Variants in MYO3B observed in about 807,000 individuals in gnomAD.
The protein encoded by MYO3B is myosin IIIB.
Under a neutral mutation model 174.6 loss-of-function variants are expected in MYO3B, and 156 were observed. That is an observed-to-expected ratio of 0.89 (90% CI 0.78 to 1.02). The LOEUF is 1.02. Ranked by LOEUF, MYO3B falls within the 50% of genes least tolerant of loss-of-function variation. MYO3B has a pLI of 0.00. For synonymous variants in MYO3B, 563 were observed against 569.1 expected (o/e 0.99, Z 0.15); for missense variants, 1,632 against 1,639.4 (o/e 1.00, Z 0.08).
intron 9 of MYO3B, among the ~76,000 whole-genome samples, chr2:170,377,557 T>A (rs1039742851): frequency 2.0e-5 from 3 of 152,168 alleles, no homozygotes; most frequent in African/African-American, 7.2e-5. Flanking sequence ...CCCCTTTACC[T>A]GATCCCTGAA....
chr2:170,192,416 T>A (rs1013561739), intron 1 of MYO3B, among the ~76,000 whole-genome samples: 5 of 151,318 alleles, frequency 3.3e-5, no homozygotes, highest in Admixed American at 3.3e-4. Flanking sequence ...TTGAATTTCT[T>A]ATGCATCTTT....
intron 30 of MYO3B, among the ~76,000 whole-genome samples, chr2:170,532,031 G>A (rs1380983157): frequency 6.6e-6 from 1 of 152,210 alleles, no homozygotes; most frequent in East Asian, 1.9e-4. Flanking sequence ...AAAGGACAGT[G>A]AAGAAACCTG....
At chr2:170,604,402 A>G (rs535929874) in intron 32 of MYO3B, among the ~76,000 whole-genome samples, 13 of 152,312 alleles carry the variant, frequency 8.5e-5, no homozygotes, top group African/African-American at 3.1e-4. Context: ...TATTTATTCT[A>G]TAATCTTTTG....
In MYO3B at chr2:170,187,816, G is replaced by A. The variant is rs148154329; in HGVS notation, c.2+9527G>A. 5.7e-3 allele frequency among the ~76,000 whole-genome samples: 865 copies of A among 152,066 alleles called. 3 individuals are homozygous for A. Among genetic ancestry groups the A allele is most frequent in the Non-Finnish European group, 8.4e-3 (570 of 67,974 alleles). Reference sequence around the variant, plus strand: ...TGTTACTGATTTCTAGTTTTAATCCGTCATGGTTGGAGAAGATACTTGATA... The same window carrying A: ...TGTTACTGATTTCTAGTTTTAATCCATCATGGTTGGAGAAGATACTTGATA... On this transcript the variant is annotated intron_variant, in intron 1 of 34. Coordinates refer to ENST00000408978, the MANE Select transcript of MYO3B (RefSeq NM_138995.5).
At chr2:170,247,218 C>T (rs1344035879) in intron 7 of MYO3B, among the ~76,000 whole-genome samples, 2 of 152,170 alleles carry the variant, frequency 1.3e-5, no homozygotes, top group African/African-American at 4.8e-5. Context: ...TTCAATCTTT[C>T]CATCTCAGAA....
chr2:170,508,032 G>A (rs1687723501), intron 28 of MYO3B, among the ~76,000 whole-genome samples: 1 of 152,226 alleles, frequency 6.6e-6, no homozygotes, highest in South Asian at 2.1e-4. Flanking sequence ...AGAGGAAGCT[G>A]CAAAGTCATT....
At position 170,552,899 on chromosome 2, in the gene MYO3B, C is replaced by G. The variant is rs576859046; in HGVS notation, c.3733+8911C>G. Among the ~76,000 whole-genome samples, 7 of 152,312 alleles carry G rather than the reference C, an allele frequency of 4.6e-5. No homozygotes were observed. In the South Asian group the frequency reaches 1.2e-3, roughly 27 times the overall value. On this transcript the variant is annotated intron_variant, in intron 32 of 34. Coordinates refer to ENST00000408978, the MANE Select transcript of MYO3B (RefSeq NM_138995.5). The stretch of plus-strand genomic sequence containing the variant: ...CATGGTGCCCTGCATCCCAGCCGAT[C>G]TAGCTTCAGCTGTGGCTAAAAGGGG...
chr2:170,511,756 T>C (rs1197267975), intron 28 of MYO3B, among the ~76,000 whole-genome samples: 1 of 152,216 alleles, frequency 6.6e-6, no homozygotes, highest in East Asian at 1.9e-4. Flanking sequence ...CAAAATATTT[T>C]TTCCCATCAA....
chr2:170,334,407 T>A (rs2105535196), intron 7 of MYO3B: 1 of 152,324 alleles, frequency 6.6e-6, no homozygotes, highest in African/African-American at 2.4e-5. Context: ...CTGGTAATTC[T>A]TGCTGCTTCC....
At chr2:170,362,666 G>A (rs17083) in intron 8 of MYO3B, among the ~76,000 whole-genome samples, 11,189 of 152,190 alleles carry the variant, frequency 0.074, 502 homozygotes, top group Non-Finnish European at 0.11. Flanking sequence ...TCATTTACCT[G>A]TTTCAGGGGA....
chr2:170,586,881 A>G (rs1693525270), intron 32 of MYO3B, among the ~76,000 whole-genome samples: 1 of 152,212 alleles, frequency 6.6e-6, no homozygotes, highest in Non-Finnish European at 1.5e-5. Context: ...TTAGAACATA[A>G]TTCTTCCAGA....
At chr2:170,622,082 C>G (rs1296197545) in intron 32 of MYO3B, among the ~76,000 whole-genome samples, 1 of 152,178 alleles carries the variant, frequency 6.6e-6, no homozygotes, top group Non-Finnish European at 1.5e-5. Context: ...CTCCACCCTT[C>G]TAAATACTGA....
chr2:170,480,041 G>A (rs376849827), intron 25 of MYO3B, among the ~76,000 whole-genome samples: 23 of 146,356 alleles, frequency 1.6e-4, no homozygotes, highest in South Asian at 1.1e-3. Flanking sequence ...GTGTGTGTGT[G>A]TATATATATA....
intron 25 of MYO3B, among the ~76,000 whole-genome samples, chr2:170,496,817 T>A (rs6739923): frequency 4.6e-5 from 7 of 151,632 alleles, no homozygotes; most frequent in South Asian, 2.1e-4. Context: ...TTGCAGCGAC[T>A]GGATTTGGCC....
intron 25 of MYO3B, among the ~76,000 whole-genome samples, chr2:170,467,843 T>A (rs1575027988): frequency 1.4e-5 from 2 of 144,636 alleles, no homozygotes; most frequent in African/African-American, 2.5e-5. Flanking sequence ...TTCCTTGCAA[T>A]GAGAGCTTTT....
At chr2:170,460,411 C>A (rs543749285) in intron 23 of MYO3B, among the ~76,000 whole-genome samples, 1 of 138,736 alleles carries the variant, frequency 7.2e-6, no homozygotes, top group Non-Finnish European at 1.5e-5. Flanking sequence ...TCGCTTGAAC[C>A]CAGGAGGCAG....
At chr2:170,257,456 T>C (rs184479271) in intron 7 of MYO3B, among the ~76,000 whole-genome samples, 1 of 152,218 alleles carries the variant, frequency 6.6e-6, no homozygotes, top group Non-Finnish European at 1.5e-5. Flanking sequence ...CACAATTGCA[T>C]GGAAACTAAA....
At chr2:170,591,065 G>GC (rs1693793829) in intron 32 of MYO3B, among the ~76,000 whole-genome samples, 1 of 152,168 alleles carries the variant, frequency 6.6e-6, no homozygotes, top group Non-Finnish European at 1.5e-5. Flanking sequence ...ATCAAAGTGG[G>GC]CCTTTGGATG....
chr2:170,455,896 TAGAC>T (rs1683880562), intron 23 of MYO3B, among the ~76,000 whole-genome samples: 1 of 152,214 alleles, frequency 6.6e-6, no homozygotes, highest in Non-Finnish European at 1.5e-5. Flanking sequence ...TATACTGGGT[TAGAC>T]AGACAATGGT....
Sources: gnomAD v4.1 joint callset for allele counts (sites outside exome capture counted in the v4.1 genomes callset) on GRCh38, gnomAD v4.1.1 for gene constraint, MANE v1.5 for transcripts, NCBI Gene and HGNC (gene_info 2026-07-23, HGNC 2026-07-21) for gene names.